The following LONP2 variants were observed in gnomAD, a reference collection of about 807,000 sequenced individuals.
LONP2 encodes the protein lon protease homolog 2, peroxisomal.
A neutral mutation model predicts 85.6 loss-of-function variants in LONP2; 60 were observed. That is an observed-to-expected ratio of 0.70 (90% confidence interval 0.57 to 0.87). The LOEUF (loss-of-function observed/expected upper bound fraction) is 0.87, where lower values mean the gene tolerates loss of function less well. Ranked by LOEUF, LONP2 falls within the 40% of genes least tolerant of loss-of-function variation. The pLI is 0.00. For missense variants in LONP2, 860 were observed against 1,063.5 expected (o/e 0.81, Z 2.66); for synonymous variants, 395 against 389.7 (o/e 1.01, Z -0.16).
chr16:48,286,719 A>G (rs746583123), intron 8 of LONP2, among the ~76,000 whole-genome samples: 1 of 150,410 alleles, frequency 6.6e-6, no homozygotes, highest in Admixed American at 6.6e-5. Context: ...CTGGTCTCGA[A>G]CTCCTGAGCT....
In LONP2 at chr16:48,301,705, G is replaced by C. The variant is rs74927308; in HGVS notation, c.1662-1467G>C. Among the ~76,000 whole-genome samples the C allele has an allele frequency of 5.5e-3, 842 of 151,930 alleles. 6 individuals carry two copies. Among genetic ancestry groups the C allele is most frequent in the African/African-American group, 0.019 (791 of 41,494 alleles). ...TGGCCTGGAACTCCTGAGCTCAAGT[G>C]ATAATTGTTACAAAGATACTCTTTC... On this transcript the variant is annotated intron_variant, in intron 10 of 14. Transcript: ENST00000285737.
At chr16:48,310,034 T>A (rs1225405379) in intron 11 of LONP2, among the ~76,000 whole-genome samples, 1 of 152,040 alleles carries the variant, frequency 6.6e-6, no homozygotes, top group Non-Finnish European at 1.5e-5. Flanking sequence ...GTTGAATTGA[T>A]CCCTATGTCA....
At position 48,277,349 on chromosome 16, in the gene LONP2, T is replaced by C. The variant is rs1972231246; in HGVS notation, c.1253T>C (p.Val418Ala). The stretch of plus-strand genomic sequence containing the variant: ...CTTGCTTTCTCTAGGCGCACCTATG[T>C]TGGCAGCATGCCTGGTCGCATCATC... ...SDIRGHRRTYVGSMPGRIING... is the reference protein window; with the variant it reads ...SDIRGHRRTYAGSMPGRIING... Residue 418 changes from valine (V) to alanine (A), a missense_variant, in exon 8 of 15, where the codon GTT becomes GCT. Val to Ala is a moderately conservative substitution (Grantham distance 64). Coordinates refer to ENST00000285737, the MANE Select transcript of LONP2 (RefSeq NM_031490.5). The C allele has an allele frequency of 6.2e-7, 1 of 1,613,420 alleles. No individual in the cohort carries two copies. Among genetic ancestry groups the C allele is most frequent in the African/African-American group, 1.3e-5 (1 of 74,876 alleles).
intron 11 of LONP2, among the ~76,000 whole-genome samples, chr16:48,327,167 C>T (rs1381102955): frequency 2.0e-5 from 3 of 152,186 alleles, no homozygotes; most frequent in Non-Finnish European, 4.4e-5. Flanking sequence ...TGGGAAACTC[C>T]GTGGTTATGC....
intron 11 of LONP2, among the ~76,000 whole-genome samples, chr16:48,313,735 G>A (rs1023433481): frequency 1.2e-4 from 19 of 152,104 alleles, no homozygotes; most frequent in Non-Finnish European, 2.2e-4. Flanking sequence ...TCATTGATGC[G>A]CATTTGGGTT....
intron 9 of LONP2, among the ~76,000 whole-genome samples, chr16:48,298,626 G>GGGGGGTGT (rs565121093): frequency 3.7e-5 from 5 of 134,322 alleles, no homozygotes; most frequent in African/African-American, 1.4e-4. Flanking sequence ...ATTTAATTGA[G>GGGGGGTGT]GTGTGTGTGT....
intron 11 of LONP2, among the ~76,000 whole-genome samples, chr16:48,319,150 C>CA (rs1596980929): frequency 3.9e-5 from 6 of 152,012 alleles, no homozygotes; most frequent in Admixed American, 3.3e-4. Context: ...GAGGCCGAGG[C>CA]AGGCAGATCA....
chr16:48,336,671 A>T (rs908996871), intron 12 of LONP2, among the ~76,000 whole-genome samples: 6 of 152,196 alleles, frequency 3.9e-5, no homozygotes, highest in African/African-American at 1.4e-4. Context: ...AAGGAATTTC[A>T]CTAGGTTAAT....
rs1960267596 is a variant in LONP2 at position 48,354,602 on chromosome 16, T to TAA, written c.*2800_*2801insAA. 1 of 151,994 alleles carries TAA rather than the reference T, an allele frequency of 6.6e-6. No homozygotes were observed. The highest frequency in any genetic ancestry group is 2.1e-4 in the South Asian group (1 of 4,834). The allele number at this position is 151,994 out of a possible 1,614,324, so 9.4% of individuals were successfully genotyped here. ...TCACCCCAGACCCTGGTAACCACTA[T>TAA]TTCACTTTCTTTCTGAATTTCCCTT... On this transcript the variant is annotated 3_prime_UTR_variant, in exon 15 of 15. Coordinates refer to ENST00000285737, the MANE Select transcript of LONP2 (RefSeq NM_031490.5).
chr16:48,360,867 C>G (rs1567365119), downstream of LONP2: 4 of 152,270 alleles, frequency 2.6e-5, no homozygotes, highest in East Asian at 5.8e-4. Flanking sequence ...GATTATTTTT[C>G]CGATGTCACC....
At chr16:48,259,216 T>A (rs568544247) in intron 4 of LONP2, among the ~76,000 whole-genome samples, 174 of 152,334 alleles carry the variant, frequency 1.1e-3, no homozygotes, top group Non-Finnish European at 2.1e-3. Flanking sequence ...CTTCAGTGGC[T>A]TGATAAATAT....
intron 11 of LONP2, among the ~76,000 whole-genome samples, chr16:48,312,461 ACTTT>A (rs1339647334): frequency 8.6e-5 from 13 of 151,644 alleles, no homozygotes; most frequent in African/African-American, 2.7e-4. Context: ...TTGGGGCAGG[ACTTT>A]CTTTCCCTTG....
Position 48,353,515 on chromosome 16 carries a change from A to AAGAT in LONP2, c.*1714_*1715insGATA. The AAGAT allele has an allele frequency of 6.5e-6, 1 of 154,142 alleles. No individual in the cohort carries two copies. Among genetic ancestry groups the AAGAT allele is most frequent in the East Asian group, 1.9e-4 (1 of 5,290 alleles). 9.5% of individuals were successfully genotyped at this position (154,142 alleles called of 1,614,324 possible). The stretch of plus-strand genomic sequence containing the variant: ...CTGTCTCAAAAAAAAAAAAAAAAAA[A>AAGAT]AAGATTGGGCCAAAATACTGTGATA... On this transcript the variant is annotated 3_prime_UTR_variant, in exon 15 of 15. Transcript: ENST00000285737.
chr16:48,331,525 G>C (rs1330358795), intron 11 of LONP2, among the ~76,000 whole-genome samples: 1 of 151,834 alleles, frequency 6.6e-6, no homozygotes, highest in Non-Finnish European at 1.5e-5. Context: ...TTACATATGT[G>C]ATAAATAGTG....
chr16:48,342,658 A>T (rs1374605593), intron 12 of LONP2, among the ~76,000 whole-genome samples: 2 of 152,258 alleles, frequency 1.3e-5, no homozygotes, highest in African/African-American at 2.4e-5. Context: ...TCTCCAAGGG[A>T]TGTAGAATCT....
intron 11 of LONP2, among the ~76,000 whole-genome samples, chr16:48,333,602 A>G (rs1407684640): frequency 6.6e-6 from 1 of 151,534 alleles, no homozygotes; most frequent in African/African-American, 2.4e-5. Context: ...CAGGAGGTCA[A>G]GGCAGCAGTG....
rs1321174500 is a variant in LONP2 at position 48,353,018 on chromosome 16, G to C, written c.*1216G>C. On this transcript the variant is annotated 3_prime_UTR_variant, in exon 15 of 15. Coordinates refer to ENST00000285737, the MANE Select transcript of LONP2 (RefSeq NM_031490.5). ...TGCTTACTGGCTGTGTGAACTTTTT[G>C]TATCTTGGTTTTCTTCATCCATGAA... 3 of 152,262 alleles carry C rather than the reference G, an allele frequency of 2.0e-5. No homozygotes were observed. The highest frequency in any genetic ancestry group is 2.9e-5 in the Non-Finnish European group (2 of 68,030). 9.4% of individuals were successfully genotyped at this position (152,262 alleles called of 1,614,324 possible).
rs566386793 is a variant in LONP2, at chr16:48,275,829, G to A, written c.1242-1509G>A. Among the ~76,000 whole-genome samples the A allele has an allele frequency of 1.1e-3, 161 of 152,200 alleles. No homozygotes were observed. The Middle Eastern group carries it at 0.014, about 13-fold the overall frequency. On this transcript the variant is annotated intron_variant, in intron 7 of 14. Transcript: ENST00000285737. The stretch of plus-strand genomic sequence containing the variant: ...TGGGAAGCAATGGAAAGTGTAAGAG[G>A]AATTGCTTATATACAGTGTGAGTAG...
At chr16:48,248,238 C>T (rs1300157074) in intron 1 of LONP2, among the ~76,000 whole-genome samples, 1 of 151,918 alleles carries the variant, frequency 6.6e-6, no homozygotes, top group African/African-American at 2.4e-5. Context: ...CCTCTCACCT[C>T]AGCCTCCTGA....
Sources: gnomAD v4.1 joint callset for allele counts (sites outside exome capture counted in the v4.1 genomes callset) on GRCh38, gnomAD v4.1.1 for gene constraint, MANE v1.5 for transcripts, NCBI Gene and HGNC (gene_info 2026-07-23, HGNC 2026-07-21) for gene names.